Variants in MICU1 observed in about 807,000 individuals in gnomAD.
MICU1 encodes the protein calcium uptake protein 1, mitochondrial.
In MICU1, 45 loss-of-function variants were observed where a neutral mutation model predicts 56.8. The observed-to-expected ratio is 0.79, with a 90% CI of 0.62 to 1.02. MICU1 has a LOEUF of 1.02. MICU1 is among the 50% of genes least tolerant of loss of function. MICU1 has a pLI of 0.00. For missense variants in MICU1, 504 were observed against 587.1 expected (o/e 0.86, Z 1.46); for synonymous variants, 186 against 195.1 (o/e 0.95, Z 0.39).
At chr10:72,591,265 A>G (rs889357046) in intron 1 of MICU1, among the ~76,000 whole-genome samples, 1 of 152,244 alleles carries the variant, frequency 6.6e-6, no homozygotes, top group Non-Finnish European at 1.5e-5. Context: ...AAATGAGTAC[A>G]TTAAAAGCAC....
intron 1 of MICU1, among the ~76,000 whole-genome samples, chr10:72,569,237 A>ATATATATATATTTTTTTTTTTT: frequency 2.9e-5 from 1 of 34,392 alleles, no homozygotes; most frequent in African/African-American, 1.1e-4. Flanking sequence ...ATATATATAT[A>ATATATATATATTTTTTTTTTTT]TTTTTTTTTT....
chr10:72,453,934 C>A (rs759911483), intron 8 of MICU1, among the ~76,000 whole-genome samples: 49 of 152,100 alleles, frequency 3.2e-4, no homozygotes, highest in Non-Finnish European at 7.1e-4. Context: ...CTCCCTGGTT[C>A]AAGCGATTTT....
At chr10:72,374,644 C>T (rs994488658) in intron 11 of MICU1, among the ~76,000 whole-genome samples, 73 of 152,012 alleles carry the variant, frequency 4.8e-4, no homozygotes, top group African/African-American at 1.4e-3. Flanking sequence ...GCTCCATAGG[C>T]TGGAGCTTTT....
intron 10 of MICU1, among the ~76,000 whole-genome samples, chr10:72,386,193 T>G (rs1444147723): frequency 1.3e-5 from 2 of 152,104 alleles, no homozygotes; most frequent in African/African-American, 2.4e-5. Flanking sequence ...TCTTTTTTTT[T>G]TGGAGGGGGA....
intron 8 of MICU1, among the ~76,000 whole-genome samples, chr10:72,436,483 T>C (rs1298973498): frequency 1.3e-5 from 2 of 152,138 alleles, no homozygotes; most frequent in African/African-American, 2.4e-5. Context: ...AGCTAAAAAT[T>C]CTAAAAATCA....
At chr10:72,578,958 A>G (rs1840825463) in intron 1 of MICU1, among the ~76,000 whole-genome samples, 1 of 152,082 alleles carries the variant, frequency 6.6e-6, no homozygotes, top group South Asian at 2.1e-4. Flanking sequence ...TATAGTATAA[A>G]CATAACTTTT....
intron 10 of MICU1, among the ~76,000 whole-genome samples, chr10:72,399,003 T>G (rs1399501391): frequency 5.9e-5 from 9 of 152,210 alleles, no homozygotes; most frequent in Non-Finnish European, 8.8e-5. Context: ...AAGAGAATTT[T>G]AGACCAATAT....
intron 7 of MICU1, among the ~76,000 whole-genome samples, chr10:72,476,370 A>C (rs1442985374): frequency 6.6e-6 from 1 of 152,100 alleles, no homozygotes; most frequent in East Asian, 1.9e-4. Context: ...CTAGGACTAC[A>C]GGCACATACT....
chr10:72,533,799 A>G lies in MICU1; in HGVS notation c.494-10T>C. 6.4e-7 allele frequency: 1 copy of G among 1,569,564 alleles called. No homozygotes were observed. Among genetic ancestry groups the G allele is most frequent in the Non-Finnish European group, 8.6e-7 (1 of 1,156,904 alleles). ...TGATCCAGACCCAAGTCTGTAAAAG[A>G]AAAGGAAAAAACATTTAGCTACTGA... On this transcript the variant is annotated splice_polypyrimidine_tract_variant and intron_variant, in intron 4 of 11. Coordinates refer to ENST00000361114, the MANE Select transcript of MICU1 (RefSeq NM_001195518.2).
At chr10:72,451,074 G>T (rs112159845) in intron 8 of MICU1, among the ~76,000 whole-genome samples, 1,800 of 140,844 alleles carry the variant, frequency 0.013, 40 homozygotes, top group African/African-American at 0.044. Flanking sequence ...TGCCAGACTG[G>T]AATACAGTGT....
intron 6 of MICU1, among the ~76,000 whole-genome samples, chr10:72,498,276 A>G (rs1315461242): frequency 6.6e-6 from 1 of 152,028 alleles, no homozygotes; most frequent in Admixed American, 6.6e-5. Flanking sequence ...CCCACTGATA[A>G]ATGAGGCCTA....
At chr10:72,549,941 A>G (rs1839992335) in intron 4 of MICU1, among the ~76,000 whole-genome samples, 2 of 151,790 alleles carry the variant, frequency 1.3e-5, no homozygotes, top group African/African-American at 4.8e-5. Flanking sequence ...AAAAAAAAAA[A>G]AAAAGAGAAT....
chr10:72,399,498 T>C (rs763973835), intron 10 of MICU1, among the ~76,000 whole-genome samples: 6 of 151,986 alleles, frequency 3.9e-5, no homozygotes, highest in South Asian at 2.1e-4. Flanking sequence ...ATACAAAAAT[T>C]AGTCAGACAT....
intron 1 of MICU1, among the ~76,000 whole-genome samples, chr10:72,612,377 C>T (rs1841874449): frequency 1.3e-5 from 2 of 152,084 alleles, no homozygotes; most frequent in South Asian, 4.1e-4. Flanking sequence ...AGAAAACATG[C>T]AGTCGAAAAG....
chr10:72,444,043 TA>T (rs1381170366), intron 8 of MICU1, among the ~76,000 whole-genome samples: 1 of 151,988 alleles, frequency 6.6e-6, no homozygotes, highest in East Asian at 1.9e-4. Flanking sequence ...TATGCAGCCA[TA>T]AAAAATGATG....
intron 1 of MICU1, among the ~76,000 whole-genome samples, chr10:72,583,874 A>T (rs1233237745): frequency 1.3e-5 from 2 of 152,248 alleles, no homozygotes; most frequent in Non-Finnish European, 2.9e-5. Flanking sequence ...TTCATAGCTT[A>T]AAGTGACATT....
chr10:72,528,097 A>G (rs1868016893), intron 5 of MICU1, among the ~76,000 whole-genome samples: 1 of 152,228 alleles, frequency 6.6e-6, no homozygotes, highest in Non-Finnish European at 1.5e-5. Context: ...AAGTGCCGCG[A>G]TTACAGGCCT....
At chr10:72,448,188 T>C (rs1171072384) in intron 8 of MICU1, among the ~76,000 whole-genome samples, 2 of 77,214 alleles carry the variant, frequency 2.6e-5, no homozygotes, top group East Asian at 3.5e-4. Flanking sequence ...TATATATATA[T>C]ATATATTTTT....
At position 72,547,818 on chromosome 10, in the gene MICU1, A is replaced by G. The variant is rs528881897; in HGVS notation, c.493+3361T>C. ...TGGTGTCTAGTTTGGTTTCCTTAAA[A>G]GCAAGGTACCAGTGTGGAAGGACTA... On this transcript the variant is annotated intron_variant, in intron 4 of 11. Coordinates refer to ENST00000361114, the MANE Select transcript of MICU1 (RefSeq NM_001195518.2). Among the ~76,000 whole-genome samples, 16 of 152,330 alleles carry G rather than the reference A, an allele frequency of 1.1e-4. No homozygotes were observed. The South Asian group carries it at 3.1e-3, about 30-fold the overall frequency.
Sources: gnomAD v4.1 joint callset for allele counts (sites outside exome capture counted in the v4.1 genomes callset) on GRCh38, gnomAD v4.1.1 for gene constraint, MANE v1.5 for transcripts, NCBI Gene and HGNC (gene_info 2026-07-23, HGNC 2026-07-21) for gene names.